PPA1: variants seen among roughly 807,000 people sequenced by gnomAD.
PPA1 encodes inorganic pyrophosphatase 1, also known as inorganic pyrophosphatase.
In PPA1, 23 loss-of-function variants were observed where a neutral mutation model predicts 41.8. That is an observed-to-expected ratio of 0.55 (90% CI 0.40 to 0.78). The LOEUF is 0.78. Ranked by LOEUF, PPA1 falls within the 30% of genes least tolerant of loss-of-function variation. The pLI, the probability that PPA1 is intolerant of heterozygous loss-of-function variation, is 0.00. For missense variants in PPA1, 320 were observed against 361.6 expected, an observed-to-expected ratio of 0.89 and a Z score of 0.93; for synonymous variants, 101 against 116.8, an observed-to-expected ratio of 0.86 and a Z score of 0.87.
At chr10:70,208,721 T>C (rs187818808) in intron 8 of PPA1, among the ~76,000 whole-genome samples, 4 of 152,282 alleles carry the variant, frequency 2.6e-5, no homozygotes, top group East Asian at 3.9e-4. Context: ...TTTCATTTTA[T>C]AGGACATTAT....
At chr10:70,220,890 C>T (rs56271832) in intron 2 of PPA1, among the ~76,000 whole-genome samples, 295 of 8,202 alleles carry the variant, frequency 0.036, 62 homozygotes, top group Non-Finnish European at 0.04. Flanking sequence ...TTTATATATA[C>T]TATATATATA....
At chr10:70,218,537 GAAGCA>G in intron 3 of PPA1, 1 of 509,544 alleles carries the variant, frequency 2.0e-6, no homozygotes, top group South Asian at 2.6e-5. Context: ...GGGAACATTG[GAAGCA>G]AAGATGTTGG....
chr10:70,208,203 C>T (rs1839969943), intron 8 of PPA1, among the ~76,000 whole-genome samples: 1 of 152,110 alleles, frequency 6.6e-6, no homozygotes, highest in Admixed American at 6.5e-5. Flanking sequence ...AAAACAACAA[C>T]AACAAAGAAA....
chr10:70,221,751 C>T (rs1010465232), intron 2 of PPA1, among the ~76,000 whole-genome samples: 1 of 152,094 alleles, frequency 6.6e-6, no homozygotes, highest in African/African-American at 2.4e-5. Flanking sequence ...AAGAGCTCGC[C>T]AAGATTAGCT....
intron 6 of PPA1, chr10:70,210,084 CT>C (rs778569828): frequency 0.069 from 17,421 of 251,992 alleles, no homozygotes; most frequent in South Asian, 0.14. Context: ...CAGAGGTTAT[CT>C]TTTTTTTTTT....
intron 2 of PPA1, among the ~76,000 whole-genome samples, chr10:70,224,375 AC>A (rs1488005452): frequency 6.6e-6 from 1 of 152,232 alleles, no homozygotes; most frequent in Non-Finnish European, 1.5e-5. Context: ...CAACAACTCT[AC>A]ATTATGTCAC....
intron 8 of PPA1, among the ~76,000 whole-genome samples, chr10:70,208,982 C>A (rs1392327252): frequency 6.6e-6 from 1 of 151,954 alleles, no homozygotes; most frequent in Non-Finnish European, 1.5e-5. Flanking sequence ...TTTGTAGAGA[C>A]AGGGTTTTTC....
chr10:70,222,252 C>CAT (rs1840179249), intron 2 of PPA1, among the ~76,000 whole-genome samples: 1 of 142,632 alleles, frequency 7.0e-6, no homozygotes, highest in African/African-American at 2.6e-5. Context: ...AGGAGAATGG[C>CAT]GTGAACCTGG....
chr10:70,213,073 G>T (rs973776117), intron 6 of PPA1, among the ~76,000 whole-genome samples: 1 of 152,166 alleles, frequency 6.6e-6, no homozygotes, highest in Non-Finnish European at 1.5e-5. Flanking sequence ...GAAATGTTCT[G>T]CAATTAGAGA....
intron 5 of PPA1, among the ~76,000 whole-genome samples, chr10:70,214,266 C>G (rs904428425): frequency 1.3e-5 from 2 of 152,174 alleles, no homozygotes; most frequent in African/African-American, 4.8e-5. Flanking sequence ...ATGTCCAGTT[C>G]TTCTAGATAT....
chr10:70,206,877 GA>G (rs1839948610), intron 8 of PPA1, among the ~76,000 whole-genome samples: 1 of 61,226 alleles, frequency 1.6e-5, no homozygotes, highest in Non-Finnish European at 3.2e-5. Context: ...GAGGGGAGGG[GA>G]GGGGAGGGGA....
At chr10:70,214,400 A>G (rs1840054740) in intron 5 of PPA1, 100 bp downstream of exon 5, 1 of 891,646 alleles carries the variant, frequency 1.1e-6, no homozygotes, top group Admixed American at 2.3e-5. Flanking sequence ...TTATTTCACT[A>G]ATATTCATGC....
chr10:70,203,319 A>G, intron 10 of PPA1, 133 bp from the exon 11 acceptor site: 1 of 787,598 alleles, frequency 1.3e-6, no homozygotes, highest in Non-Finnish European at 2.1e-6. Flanking sequence ...ACAGGCATAC[A>G]TACAAAATTT....
chr10:70,230,531 G>T, intron 1 of PPA1, 132 bp from the exon 2 acceptor site: 1 of 877,142 alleles, frequency 1.1e-6, no homozygotes, highest in Non-Finnish European at 1.7e-6. Context: ...GTGTGATCTT[G>T]GCTCACTGCC....
chr10:70,231,293 A>G (rs557710410), intron 1 of PPA1, among the ~76,000 whole-genome samples: 1 of 152,328 alleles, frequency 6.6e-6, no homozygotes, highest in Admixed American at 6.5e-5. Context: ...GAGGCCAGGC[A>G]CGGTGGCTCA....
chr10:70,206,855 A>G (rs1474485089), intron 8 of PPA1, among the ~76,000 whole-genome samples: 1 of 52,588 alleles, frequency 1.9e-5, no homozygotes, highest in African/African-American at 1.0e-4. Flanking sequence ...TAAGGAGGAG[A>G]GGAGAGGAGA....
chr10:70,221,017 TTATATATATAA>T (rs1411667356), intron 2 of PPA1, among the ~76,000 whole-genome samples: 26 of 71,530 alleles, frequency 3.6e-4, no homozygotes, highest in Non-Finnish European at 2.8e-4. Flanking sequence ...TATATATAAT[TTATATATATAA>T]TATATATATA....
At chr10:70,220,727 A>ATAATATATATAATTTAT (rs1177472082) in intron 2 of PPA1, among the ~76,000 whole-genome samples, 1 of 7,718 alleles carries the variant, frequency 1.3e-4, no homozygotes, top group Non-Finnish European at 2.1e-4. Context: ...TTATATATAT[A>ATAATATATATAATTTAT]ATATATATAA....
chr10:70,206,862 G>A (rs892943680), intron 8 of PPA1, among the ~76,000 whole-genome samples: 5 of 88,398 alleles, frequency 5.7e-5, no homozygotes, highest in African/African-American at 2.6e-4. Flanking sequence ...GAGAGGAGAG[G>A]AGAGGAGGGG....
Sources: gnomAD v4.1 joint callset for allele counts (sites outside exome capture counted in the v4.1 genomes callset) on GRCh38, gnomAD v4.1.1 for gene constraint, MANE v1.5 for transcripts, NCBI Gene and HGNC (gene_info 2026-07-23, HGNC 2026-07-21) for gene names.